Variants in AKAP11 observed in about 807,000 individuals in gnomAD.
AKAP11 encodes the protein A-kinase anchor protein 11.
AKAP11 carries 36 observed loss-of-function variants against 146.1 expected under a neutral mutation model. That is an observed-to-expected ratio of 0.25 (90% CI 0.19 to 0.33). The LOEUF (loss-of-function observed/expected upper bound fraction) is 0.33, where lower values mean the gene tolerates loss of function less well. Among genes scored for constraint, AKAP11 ranks in the 10% least tolerant of loss-of-function variants. The pLI is 1.00. For missense variants in AKAP11, 2,201 were observed against 2,197.0 expected (o/e 1.00, Z -0.04); for synonymous variants, 780 against 786.5 (o/e 0.99, Z 0.14).
chr13:42,278,373 G>T (rs1566253307), intron 1 of AKAP11, among the ~76,000 whole-genome samples: 1 of 152,132 alleles, frequency 6.6e-6, no homozygotes, highest in Non-Finnish European at 1.5e-5. Flanking sequence ...CTGTACCCAA[G>T]AAAGGAACTT....
At chr13:42,317,721 A>G in intron 12 of AKAP11, 33 bp downstream of exon 12, 8 of 1,596,952 alleles carry the variant, frequency 5.0e-6, no homozygotes, top group Non-Finnish European at 6.8e-6. Flanking sequence ...GTGAGGATAC[A>G]TTTAACAGTA....
intron 4 of AKAP11, among the ~76,000 whole-genome samples, chr13:42,295,405 G>A (rs1031058013): frequency 2.6e-5 from 4 of 152,174 alleles, no homozygotes; most frequent in Non-Finnish European, 5.9e-5. Context: ...TTGTACTAGT[G>A]TAGGTGAGAA....
chr13:42,310,512 C>T (rs1369322774), intron 9 of AKAP11, among the ~76,000 whole-genome samples: 2 of 152,054 alleles, frequency 1.3e-5, no homozygotes, highest in African/African-American at 4.8e-5. Flanking sequence ...CAATTGATAT[C>T]TATACTGTTC....
chr13:42,310,158 T>C (rs1960481352), intron 9 of AKAP11, among the ~76,000 whole-genome samples: 1 of 152,180 alleles, frequency 6.6e-6, no homozygotes, highest in Admixed American at 6.5e-5. Context: ...AAATTAATGA[T>C]TAATATTTGA....
intron 4 of AKAP11, 92 bp downstream of exon 4, chr13:42,292,593 C>A: frequency 1.5e-6 from 1 of 688,790 alleles, no homozygotes. Flanking sequence ...TTTTAAAATG[C>A]CTAAAATCTC....
Position 42,288,637 on chromosome 13 carries a change from CT to C in AKAP11, c.51+2239del, listed in dbSNP as rs199803379. Among the ~76,000 whole-genome samples, 367 of 152,344 alleles carry C rather than the reference CT, an allele frequency of 2.4e-3. 9 individuals are homozygous for C. In the East Asian group the frequency reaches 0.062, roughly 26 times the overall value. On this transcript the variant is annotated intron_variant, in intron 3 of 12. Transcript: ENST00000025301. Reference sequence around the variant, plus strand: ...ATATCTTTTATAGTTCACTCTGCCCCTGTTTGGATCCAGTCTAGCCTCTTAG... The same window carrying C: ...ATATCTTTTATAGTTCACTCTGCCCCGTTTGGATCCAGTCTAGCCTCTTAG...
chr13:42,300,298 A>G lies in AKAP11; in HGVS notation c.1552A>G (p.Ile518Val), dbSNP rs141392488. Residue 518 changes from isoleucine to valine, a missense_variant, in exon 8 of 13, where the codon ATT becomes GTT. Ile to Val is a conservative substitution (Grantham distance 29). Coordinates refer to ENST00000025301, the MANE Select transcript of AKAP11 (RefSeq NM_016248.4). Reference protein sequence around the residue: ...HTNTLSNINSIKHGENKTVTF... With the variant: ...HTNTLSNINSVKHGENKTVTF... ...TAATACCCTATCAAATATTAACAGTATTAAACATGGAGAAAATAAAACTGT... is the reference window on the plus strand; with the variant it reads ...TAATACCCTATCAAATATTAACAGTGTTAAACATGGAGAAAATAAAACTGT... The G allele has an allele frequency of 5.3e-4, 854 of 1,612,892 alleles. 3 individuals carry two copies. The African/African-American group carries it at 9.6e-3, about 18-fold the overall frequency.
At position 42,313,040 on chromosome 13, in the gene AKAP11, C is replaced by T. The variant is rs938262777; in HGVS notation, c.5274-7C>T. 2.5e-6 allele frequency: 4 copies of T among 1,610,814 alleles called. No homozygotes were observed. The African/African-American group carries it at 5.3e-5, about 22-fold the overall frequency. ...AGTTCAGCTCTGTTCTTTTCTTCCT[C>T]TGGCAGTAATGGTAACAGCAGTAGC... On this transcript the variant is annotated splice_polypyrimidine_tract_variant and splice_region_variant and intron_variant, in intron 9 of 12. Coordinates refer to ENST00000025301, the MANE Select transcript of AKAP11 (RefSeq NM_016248.4).
chr13:42,317,425 T>G, intron 11 of AKAP11, 103 bp from the exon 12 acceptor site: 1 of 1,235,878 alleles, frequency 8.1e-7, no homozygotes, highest in South Asian at 1.6e-5. Context: ...CACCATTCAT[T>G]AGAATCCTAA....
rs541310433 is a variant in AKAP11, at chr13:42,289,308, T to G, written c.51+2909T>G. ...CTATAGAGGCAGGGCAAATGCCCTT[T>G]AATTACCAGTTTTCAGATTAATGAC... On this transcript the variant is annotated intron_variant, in intron 3 of 12. Transcript: ENST00000025301. Among the ~76,000 whole-genome samples the G allele has an allele frequency of 6.6e-5, 10 of 152,326 alleles. No homozygotes were observed. The South Asian group carries it at 1.7e-3, about 25-fold the overall frequency.
intron 1 of AKAP11, among the ~76,000 whole-genome samples, chr13:42,283,535 T>A (rs1959106247): frequency 6.6e-6 from 1 of 152,230 alleles, no homozygotes; most frequent in Non-Finnish European, 1.5e-5. Flanking sequence ...TAAAGTGAAC[T>A]GGGGTAGCCA....
intron 8 of AKAP11, among the ~76,000 whole-genome samples, chr13:42,307,466 C>A (rs1311023282): frequency 1.3e-5 from 2 of 151,850 alleles, no homozygotes; most frequent in Non-Finnish European, 2.9e-5. Flanking sequence ...GTGACAGTGG[C>A]GGTGGCCATT....
Position 42,319,909 on chromosome 13 carries a change from GTGTGTGTGT to G in AKAP11, c.*682_*690del. Reference sequence around the variant, plus strand: ...TGCCAGTCATTCTGGCATGAAAGGTGTGTGTGTGTGTGTGTGTGTGTGTGTGTGTGTGTG... The same window carrying G: ...TGCCAGTCATTCTGGCATGAAAGGTGGTGTGTGTGTGTGTGTGTGTGTGTG... On this transcript the variant is annotated 3_prime_UTR_variant, in exon 13 of 13. Transcript: ENST00000025301. The G allele has an allele frequency of 1.5e-5, 1 of 67,778 alleles. No homozygotes were observed. Among genetic ancestry groups the G allele is most frequent in the Non-Finnish European group, 3.1e-5 (1 of 31,784 alleles). The allele number at this position is 67,778 out of a possible 1,614,324, so 4.2% of individuals were successfully genotyped here. A position where few individuals can be genotyped will look rare whatever the true frequency, so the allele number is the denominator to read the frequency against.
chr13:42,303,975 C>A, intron 8 of AKAP11, 112 bp downstream of exon 8: 2 of 1,316,512 alleles, frequency 1.5e-6, no homozygotes, highest in Non-Finnish European at 2.0e-6. Context: ...CCTACATAAA[C>A]AAAAGTTTTC....
Position 42,303,006 on chromosome 13 carries a change from A to G in AKAP11, c.4260A>G (p.Glu1420=), listed in dbSNP as rs369608419. ...LMFSNKEHHQ[E]ADKKRQSKRN... is the part of the protein sequence containing the mutation. ...TTTCAAACAAAGAGCACCACCAAGAAGCAGACAAAAAGAGACAAAGTAAAA... is the reference window on the plus strand; with the variant it reads ...TTTCAAACAAAGAGCACCACCAAGAGGCAGACAAAAAGAGACAAAGTAAAA... Residue 1420 remains glutamate (E), a synonymous_variant, in exon 8 of 13, where the codon GAA becomes GAG. Transcript: ENST00000025301. The G allele has an allele frequency of 9.3e-6, 15 of 1,613,626 alleles. No individual in the cohort carries two copies. The South Asian group carries it at 9.9e-5, about 11-fold the overall frequency.
At chr13:42,294,019 T>C (rs755941055) in intron 4 of AKAP11, among the ~76,000 whole-genome samples, 1 of 152,196 alleles carries the variant, frequency 6.6e-6, no homozygotes, top group Non-Finnish European at 1.5e-5. Context: ...GACAGGCTCC[T>C]AGAGGTTAGC....
Position 42,302,279 on chromosome 13 carries a change from A to C in AKAP11, c.3533A>C (p.Glu1178Ala). The change falls in exon 8 of 13, where the codon GAA becomes GCA. Residue 1178 changes from glutamate (E) to alanine (A), a missense_variant. Glu to Ala is a moderately radical substitution (Grantham distance 107). Around this residue, in one of 3 missense-constraint regions of AKAP11, gnomAD observed 1,867 missense variants for 1,833.5 expected, o/e 1.02. Coordinates refer to ENST00000025301, the MANE Select transcript of AKAP11 (RefSeq NM_016248.4). ...RSLSEEVESSESGELPEVDVK... is the reference protein window; with the variant it reads ...RSLSEEVESSASGELPEVDVK... ...CTTTCTGAAGAAGTTGAGAGTAGTG[A>C]AAGTGGAGAGCTCCCAGAAGTGGAT... is the stretch of plus-strand genomic sequence containing the variant. The C allele has an allele frequency of 6.2e-7, 1 of 1,614,176 alleles. No individual in the cohort carries two copies. Among genetic ancestry groups the C allele is most frequent in the Non-Finnish European group, 8.5e-7 (1 of 1,180,022 alleles).
rs775236257 is a variant in AKAP11, at chr13:42,298,721, G to T, written c.540G>T (p.Val180=). Residue 180 remains valine, a synonymous_variant, in exon 7 of 13, where the codon GTG becomes GTT. Coordinates refer to ENST00000025301, the MANE Select transcript of AKAP11 (RefSeq NM_016248.4). ...DEDDDDTNQS[V]SSIEDDFVTA... is the part of the protein sequence containing the mutation. The stretch of plus-strand genomic sequence containing the variant: ...ATGATGATGATACTAACCAGTCTGT[G>T]TCATCCATAGAGGATGACTTTGTCA... 3 of 1,606,734 alleles carry T rather than the reference G, an allele frequency of 1.9e-6. No individual in the cohort carries two copies. The Admixed American group carries it at 5.2e-5, about 28-fold the overall frequency.
At chr13:42,292,773 A>C (rs1214924221) in intron 4 of AKAP11, among the ~76,000 whole-genome samples, 1 of 152,212 alleles carries the variant, frequency 6.6e-6, no homozygotes, top group Non-Finnish European at 1.5e-5. Flanking sequence ...ATAGCATTAC[A>C]TTAGATGATG....
Sources: gnomAD v4.1 joint callset for allele counts (sites outside exome capture counted in the v4.1 genomes callset) on GRCh38, gnomAD v4.1.1 for gene constraint, gnomAD v4.1.1 regional missense constraint, MANE v1.5 for transcripts, NCBI Gene and HGNC (gene_info 2026-07-23, HGNC 2026-07-21) for gene names.